The following PDE10A variants were observed in gnomAD, a reference collection of about 807,000 sequenced individuals.
PDE10A encodes the protein phosphodiesterase 10A.
PDE10A carries 39 observed loss-of-function variants against 97.7 expected under a neutral mutation model. The ratio of observed to expected loss-of-function variants is 0.40; its 90% CI spans 0.31 to 0.52. The LOEUF (loss-of-function observed/expected upper bound fraction) is 0.52. Ranked by LOEUF, PDE10A falls within the 20% of genes least tolerant of loss-of-function variation. The pLI, the probability that PDE10A is intolerant of heterozygous loss-of-function variation, is 0.56. For synonymous variants in PDE10A, 371 were observed against 376.8 expected (o/e 0.98, Z 0.18); for missense variants, 731 against 1,047.8 (o/e 0.70, Z 4.17).
chr6:165,394,326 T>A (rs1184533850), intron 15 of PDE10A, among the ~76,000 whole-genome samples: 1 of 152,164 alleles, frequency 6.6e-6, no homozygotes. Context: ...TGTTTGGTTT[T>A]CTCTTCTTGT....
intron 1 of PDE10A, among the ~76,000 whole-genome samples, chr6:165,904,110 T>C (rs1353738579): frequency 1.3e-5 from 2 of 152,148 alleles, no homozygotes; most frequent in African/African-American, 2.4e-5. Flanking sequence ...AGGGTTGTTA[T>C]ACCAAAGATG....
At chr6:165,720,916 T>C (rs895542516) in intron 1 of PDE10A, among the ~76,000 whole-genome samples, 2 of 152,208 alleles carry the variant, frequency 1.3e-5, no homozygotes, top group African/African-American at 4.8e-5. Context: ...AGGAGGTCCA[T>C]TGATCGTGCC....
chr6:165,639,849 C>T (rs1789047658), intron 1 of PDE10A, among the ~76,000 whole-genome samples: 1 of 151,880 alleles, frequency 6.6e-6, no homozygotes, highest in Admixed American at 6.6e-5. Context: ...GGGAGGACTG[C>T]TTGAGCCCAG....
intron 18 of PDE10A, among the ~76,000 whole-genome samples, chr6:165,347,368 G>A (rs1782383496): frequency 6.6e-6 from 1 of 152,034 alleles, no homozygotes; most frequent in Admixed American, 6.6e-5. Flanking sequence ...ACATGATATA[G>A]TAATTATCTC....
intron 1 of PDE10A, among the ~76,000 whole-genome samples, chr6:165,578,841 G>A (rs1199242838): frequency 1.3e-5 from 2 of 152,176 alleles, no homozygotes; most frequent in African/African-American, 4.8e-5. Context: ...CTTAAGGGAA[G>A]ACCGACCACA....
intron 1 of PDE10A, among the ~76,000 whole-genome samples, chr6:165,882,136 G>C (rs1324433020): frequency 6.6e-6 from 1 of 152,170 alleles, no homozygotes; most frequent in Non-Finnish European, 1.5e-5. Context: ...TGAAATACGT[G>C]GCAGATTGAT....
chr6:165,604,654 T>G (rs987962034), intron 1 of PDE10A, among the ~76,000 whole-genome samples: 3 of 152,242 alleles, frequency 2.0e-5, no homozygotes, highest in Non-Finnish European at 4.4e-5. Flanking sequence ...AATGGGATAC[T>G]ACTTATCCTT....
chr6:165,825,353 T>C (rs73243846), intron 1 of PDE10A, among the ~76,000 whole-genome samples: 1,823 of 152,042 alleles, frequency 0.012, 43 homozygotes, highest in African/African-American at 0.041. Flanking sequence ...TGGTTTTTAA[T>C]TGCACCATAA....
rs192474280 is a variant in PDE10A, at chr6:165,334,414, G to A, written c.3066-1287C>T. Among the ~76,000 whole-genome samples the A allele has an allele frequency of 2.3e-3, 336 of 148,784 alleles. 2 individuals carry two copies. The highest frequency in any genetic ancestry group is 7.7e-3 in the African/African-American group (309 of 40,150). ...ACGCGCCTCCATAGCGCCCTACAGCGCCGGGCACGCGCCTCTATAGCGCCC... is the reference window on the plus strand; with the variant it reads ...ACGCGCCTCCATAGCGCCCTACAGCACCGGGCACGCGCCTCTATAGCGCCC... On this transcript the variant is annotated intron_variant, in intron 21 of 21. Transcript: ENST00000539869.
intron 18 of PDE10A, among the ~76,000 whole-genome samples, chr6:165,348,772 C>A (rs186299198): frequency 2.6e-5 from 4 of 152,150 alleles, no homozygotes; most frequent in Non-Finnish European, 4.4e-5. Context: ...CTGAATCATG[C>A]GGGCAGTTTC....
At chr6:165,448,044 C>A (rs1790999252) in intron 5 of PDE10A, among the ~76,000 whole-genome samples, 1 of 152,090 alleles carries the variant, frequency 6.6e-6, no homozygotes, top group African/African-American at 2.4e-5. Flanking sequence ...GTCTCTATTC[C>A]TAGTAACATT....
intron 1 of PDE10A, among the ~76,000 whole-genome samples, chr6:165,965,197 C>A (rs1186147685): frequency 6.6e-6 from 1 of 152,176 alleles, no homozygotes; most frequent in Middle Eastern, 3.2e-3. Flanking sequence ...ATTAAGGCAA[C>A]CACAGCAGGG....
chr6:165,624,882 T>G (rs2128411275), intron 1 of PDE10A, among the ~76,000 whole-genome samples: 1 of 152,336 alleles, frequency 6.6e-6, no homozygotes, highest in South Asian at 2.1e-4. Context: ...TGGATGCCAC[T>G]TCACATGAGT....
At position 165,840,421 on chromosome 6, in the gene PDE10A, T is replaced by C. The variant is rs566153253; in HGVS notation, c.-615+147108A>G. ...CTCCATTCTAGAGCTGATCCATTTT[T>C]CCCTAAAATGTTGCTTACTTGCCCT... On this transcript the variant is annotated intron_variant, in intron 1 of 19. Transcript: ENST00000366882. 3.9e-5 allele frequency among the ~76,000 whole-genome samples: 6 copies of C among 152,352 alleles called. No individual in the cohort carries two copies. In the South Asian group the frequency reaches 1.2e-3, roughly 32 times the overall value.
At position 165,601,868 on chromosome 6, in the gene PDE10A, C is replaced by G. The variant is rs141778946; in HGVS notation, c.866-58300G>C. ...GAGTCGCATAACAGAAGAGCCTCATCTACCACCGCAACATCTCATCCCACC... is the reference window on the plus strand; with the variant it reads ...GAGTCGCATAACAGAAGAGCCTCATGTACCACCGCAACATCTCATCCCACC... On this transcript the variant is annotated intron_variant, in intron 1 of 21. Coordinates refer to ENST00000539869, the MANE Select transcript of PDE10A (RefSeq NM_001385079.1). Among the ~76,000 whole-genome samples, 240 of 152,290 alleles carry G rather than the reference C, an allele frequency of 1.6e-3. 1 individual carries two copies. Among genetic ancestry groups the G allele is most frequent in the African/African-American group, 5.7e-3 (235 of 41,554 alleles).
chr6:165,465,367 G>A (rs903681167), intron 3 of PDE10A, among the ~76,000 whole-genome samples: 1 of 152,192 alleles, frequency 6.6e-6, no homozygotes, highest in African/African-American at 2.4e-5. Context: ...TAAAGGGCCA[G>A]TAGATATTCA....
At chr6:165,480,364 G>C (rs1779533152) in intron 3 of PDE10A, among the ~76,000 whole-genome samples, 1 of 152,120 alleles carries the variant, frequency 6.6e-6, no homozygotes, top group Non-Finnish European at 1.5e-5. Flanking sequence ...GAGGTAGGAA[G>C]ATCACTTGAG....
chr6:165,805,975 G>C (rs138938237), intron 1 of PDE10A, among the ~76,000 whole-genome samples: 415 of 144,594 alleles, frequency 2.9e-3, no homozygotes, highest in Non-Finnish European at 4.0e-3. Flanking sequence ...ATGAGAAAGC[G>C]CCTGCTTCCT....
chr6:165,818,868 C>T (rs1314678681), intron 1 of PDE10A, among the ~76,000 whole-genome samples: 1 of 152,188 alleles, frequency 6.6e-6, no homozygotes, highest in Non-Finnish European at 1.5e-5. Flanking sequence ...TTAGACAGTA[C>T]ACAGCTGTAG....
Sources: gnomAD v4.1 joint callset for allele counts (sites outside exome capture counted in the v4.1 genomes callset) on GRCh38, gnomAD v4.1.1 for gene constraint, MANE v1.5 for transcripts, NCBI Gene and HGNC (gene_info 2026-07-23, HGNC 2026-07-21) for gene names.